The following SEM1 variants were observed in gnomAD, a reference collection of about 807,000 sequenced individuals.
The protein encoded by SEM1 is 26S proteasome complex subunit SEM1.
In SEM1, 3 loss-of-function variants were observed where a neutral mutation model predicts 12.7. The ratio of observed to expected loss-of-function variants is 0.24; its 90% CI spans 0.11 to 0.61. The LOEUF is 0.61. SEM1 is among the 20% of genes least tolerant of loss of function. The pLI is 0.88. For missense variants in SEM1, 59 were observed against 81.3 expected, an observed-to-expected ratio of 0.73 and a Z score of 1.06; for synonymous variants, 30 against 27.8, an observed-to-expected ratio of 1.08 and a Z score of -0.25.
At position 96,540,612 on chromosome 7, in the gene SEM1, A is replaced by T. The variant is rs1584748315; in HGVS notation, c.171-33914T>A. 2.0e-5 allele frequency among the ~76,000 whole-genome samples: 3 copies of T among 151,976 alleles called. No homozygotes were observed. The South Asian group carries it at 6.2e-4, about 31-fold the overall frequency. ...CAATAAGAAAACACTGTTACTTTTT[A>T]AAAATAATTTCAACTTCTATTTCAG... is the stretch of plus-strand genomic sequence containing the variant. On this transcript the variant is annotated intron_variant and NMD_transcript_variant, in intron 2 of 3. Coordinates refer to the SEM1 transcript ENST00000466986.
chr7:96,496,664 G>C (rs1357539540), upstream of SEM1, among the ~76,000 whole-genome samples: 1 of 152,114 alleles, frequency 6.6e-6, no homozygotes, highest in African/African-American at 2.4e-5. Context: ...AGATTTAAGA[G>C]TAATTTTTAT....
At chr7:96,649,634 T>C (rs1808906045) in intron 2 of SEM1, 1 of 152,218 alleles carries the variant, frequency 6.6e-6, no homozygotes, top group Non-Finnish European at 1.5e-5. Flanking sequence ...CATATGTGTA[T>C]GTAGACAGCA....
chr7:96,489,155 C>A (rs1302604101), intron 1 of SEM1, among the ~76,000 whole-genome samples: 1 of 152,154 alleles, frequency 6.6e-6, no homozygotes, highest in South Asian at 2.1e-4. Context: ...GATGTACTCT[C>A]ACAGTGCCGC....
chr7:96,545,706 A>G (rs1805085004), intron 2 of SEM1, among the ~76,000 whole-genome samples: 1 of 152,046 alleles, frequency 6.6e-6, no homozygotes, highest in Non-Finnish European at 1.5e-5. Context: ...CTGAATTTTC[A>G]CTATTTAATA....
rs151135346 is a variant in SEM1, at chr7:96,529,783, G to A, written c.171-23085C>T. On this transcript the variant is annotated intron_variant and NMD_transcript_variant, in intron 2 of 3. Coordinates refer to the SEM1 transcript ENST00000466986. ...GAGATACAAATAAAATGTTTTTCAT[G>A]TATAGTAACTGTGATCCTCCTCTAA... is the stretch of plus-strand genomic sequence containing the variant. Among the ~76,000 whole-genome samples the A allele has an allele frequency of 2.1e-3, 324 of 152,230 alleles. 4 individuals carry two copies. Among genetic ancestry groups the A allele is most frequent in the Non-Finnish European group, 4.1e-3 (276 of 68,006 alleles).
intron 2 of SEM1, among the ~76,000 whole-genome samples, chr7:96,580,382 G>A (rs1211000266): frequency 6.7e-6 from 1 of 150,306 alleles, no homozygotes; most frequent in African/African-American, 2.5e-5. Flanking sequence ...TTGGACATTT[G>A]GGTTGGTTCC....
At chr7:96,646,495 G>T (rs966305026) in intron 2 of SEM1, among the ~76,000 whole-genome samples, 1 of 152,068 alleles carries the variant, frequency 6.6e-6, no homozygotes, top group African/African-American at 2.4e-5. Flanking sequence ...CCTATATATT[G>T]TCTTGAGTTT....
At chr7:96,658,085 A>T (rs573150705) in intron 2 of SEM1, among the ~76,000 whole-genome samples, 2 of 152,110 alleles carry the variant, frequency 1.3e-5, no homozygotes, top group African/African-American at 4.8e-5. Context: ...GAGTCTCCCA[A>T]ATCAATTATG....
rs1485361702 is a variant in SEM1, at chr7:96,709,712, C to T, written c.52G>A (p.Glu18Lys). The part of the protein sequence containing the change: ...VDLGLLEEDD[E>K]FEEFPAEDWA... ...CCTTCGGCAGGGAACTCTTCAAACT[C>T]GTCGTCTTCCTCTAACAGACCTAAG... The change falls in exon 1 of 3, where the codon GAG becomes AAG. Residue 18 changes from glutamate (E) to lysine (K), a missense_variant. Physicochemically the swap from Glu to Lys is moderately conservative, Grantham distance 56. Coordinates refer to ENST00000248566, the MANE Select transcript of SEM1 (RefSeq NM_006304.2). 2 of 1,613,744 alleles carry T rather than the reference C, an allele frequency of 1.2e-6. No individual in the cohort carries two copies. Among genetic ancestry groups the T allele is most frequent in the Non-Finnish European group, 1.7e-6 (2 of 1,179,898 alleles).
At chr7:96,498,662 T>C (rs988717283), upstream of SEM1, among the ~76,000 whole-genome samples, 2 of 152,222 alleles carry the variant, frequency 1.3e-5, no homozygotes, top group Non-Finnish European at 2.9e-5. Flanking sequence ...AAGAATATAA[T>C]ATTAGCTAAA....
At chr7:96,668,315 C>T (rs1789223637) in intron 2 of SEM1, among the ~76,000 whole-genome samples, 1 of 152,010 alleles carries the variant, frequency 6.6e-6, no homozygotes, top group Admixed American at 6.6e-5. Flanking sequence ...ATTACTGTTG[C>T]CACATAATGT....
intron 2 of SEM1, among the ~76,000 whole-genome samples, chr7:96,596,285 A>T (rs1398486075): frequency 6.6e-6 from 1 of 152,188 alleles, no homozygotes; most frequent in South Asian, 2.1e-4. Flanking sequence ...CCCTTTTCAC[A>T]TGGCAGTAAT....
intron 2 of SEM1, among the ~76,000 whole-genome samples, chr7:96,485,748 G>T (rs1802728533): frequency 6.6e-6 from 1 of 151,696 alleles, no homozygotes; most frequent in South Asian, 2.1e-4. Context: ...CACTATGTTG[G>T]CCAGGTTGGT....
chr7:96,617,544 G>T (rs1807757193), intron 2 of SEM1, among the ~76,000 whole-genome samples: 1 of 152,078 alleles, frequency 6.6e-6, no homozygotes, highest in Non-Finnish European at 1.5e-5. Context: ...TTTCTTGCCT[G>T]ATTGCTCTGG....
intron 2 of SEM1, among the ~76,000 whole-genome samples, chr7:96,637,776 C>T (rs1349033366): frequency 6.6e-6 from 1 of 151,950 alleles, no homozygotes; most frequent in Non-Finnish European, 1.5e-5. Flanking sequence ...ACCAAGCACT[C>T]CCCTTCACTA....
intron 2 of SEM1, among the ~76,000 whole-genome samples, chr7:96,647,749 G>A (rs185930254): frequency 2.0e-5 from 3 of 152,202 alleles, no homozygotes; most frequent in Non-Finnish European, 2.9e-5. Flanking sequence ...TGTTAATATA[G>A]CCAAAGACAA....
chr7:96,683,889 C>T (rs188544784), downstream of SEM1, among the ~76,000 whole-genome samples: 2 of 152,030 alleles, frequency 1.3e-5, no homozygotes, highest in East Asian at 3.9e-4. Flanking sequence ...GGGTGGCGGA[C>T]TAGGGGAGGG....
intron 2 of SEM1, among the ~76,000 whole-genome samples, chr7:96,582,727 C>T (rs183128069): frequency 1.9e-4 from 29 of 152,374 alleles, no homozygotes; most frequent in African/African-American, 5.8e-4. Context: ...AGAAATTTAT[C>T]CATTTCTTCC....
At chr7:96,542,150 A>G (rs1804977258) in intron 2 of SEM1, among the ~76,000 whole-genome samples, 1 of 151,724 alleles carries the variant, frequency 6.6e-6, no homozygotes, top group Admixed American at 6.6e-5. Context: ...TTACATTGGT[A>G]GTTTGATAAA....
Sources: gnomAD v4.1 joint callset for allele counts (sites outside exome capture counted in the v4.1 genomes callset) on GRCh38, gnomAD v4.1.1 for gene constraint, MANE v1.5 for transcripts, NCBI Gene and HGNC (gene_info 2026-07-23, HGNC 2026-07-21) for gene names.